Variants in NAV2 observed in about 807,000 individuals in gnomAD.
The protein encoded by NAV2 is helicase, APC down-regulated 1.
NAV2 carries 54 observed loss-of-function variants against 223.2 expected under a neutral mutation model. That is an observed-to-expected ratio of 0.24 (90% CI 0.19 to 0.30). The LOEUF (loss-of-function observed/expected upper bound fraction) is 0.30, where lower values mean the gene tolerates loss of function less well. NAV2 is among the 10% of genes least tolerant of loss of function. NAV2 has a pLI of 1.00. For missense variants in NAV2, 2,806 were observed against 3,147.5 expected (o/e 0.89, Z 2.60); for synonymous variants, 1,279 against 1,239.3 (o/e 1.03, Z -0.67).
In NAV2 at chr11:19,796,844, TA is replaced by T. The variant is rs756218837; in HGVS notation, c.268-35639del. ...CTGGTACTTGCTGCTTGTTACCATG[TA>T]GCTGAGATTTGCACGCTTTCTCTGA... On this transcript the variant is annotated intron_variant, in intron 1 of 37. Coordinates refer to ENST00000349880, the MANE Select transcript of NAV2 (RefSeq NM_145117.5). 4.6e-5 allele frequency among the ~76,000 whole-genome samples: 7 copies of T among 152,230 alleles called. No individual in the cohort carries two copies. The East Asian group carries it at 1.3e-3, about 29-fold the overall frequency.
intron 1 of NAV2, among the ~76,000 whole-genome samples, chr11:19,720,236 A>G (rs905819200): frequency 6.6e-6 from 1 of 152,250 alleles, no homozygotes; most frequent in African/African-American, 2.4e-5. Context: ...TGTTCCTAGA[A>G]TGGCTTGGGC....
In NAV2 at chr11:19,633,491, G is replaced by A. The variant is rs1302593030; in HGVS notation, c.76-198993G>A. Among the ~76,000 whole-genome samples, 6 of 152,390 alleles carry A rather than the reference G, an allele frequency of 3.9e-5. No homozygotes were observed. The East Asian group carries it at 1.2e-3, about 29-fold the overall frequency. ...TGGTTGCCTGGAGATTGAGAAATGT[G>A]TTGGCTCCAGCCTGGCTCCCTCATC... On this transcript the variant is annotated intron_variant, in intron 1 of 37. Transcript: ENST00000360655.
At chr11:19,874,652 C>T (rs2062732089) in intron 4 of NAV2, among the ~76,000 whole-genome samples, 1 of 152,194 alleles carries the variant, frequency 6.6e-6, no homozygotes, top group South Asian at 2.1e-4. Context: ...TAGATACTGT[C>T]TGCTATAGAC....
At chr11:19,618,882 G>A (rs1342725826) in intron 1 of NAV2, among the ~76,000 whole-genome samples, 4 of 145,698 alleles carry the variant, frequency 2.7e-5, no homozygotes, top group African/African-American at 7.6e-5. Flanking sequence ...AGAGCTAAGG[G>A]GCAGGGATGG....
intron 14 of NAV2, among the ~76,000 whole-genome samples, chr11:20,046,476 T>C (rs116062203): frequency 0.023 from 3,559 of 152,178 alleles, 140 homozygotes; most frequent in African/African-American, 0.08. Flanking sequence ...TTCCTCATTA[T>C]GGCAGGCAGT....
intron 3 of NAV2, among the ~76,000 whole-genome samples, chr11:19,859,806 G>A (rs1186866912): frequency 1.4e-5 from 2 of 147,534 alleles, no homozygotes; most frequent in Admixed American, 6.7e-5. Flanking sequence ...GGGGCGGCTG[G>A]CCGGGCGGGG....
In NAV2 at chr11:19,933,220, A is replaced by G. The variant is rs1639289196; in HGVS notation, c.976A>G (p.Asn326Asp). ...CTCCTCCCACCCCGGAATGAGTGAC[A>G]ATGCACCTGCTTCCTTGGAGAGCGG... is the stretch of plus-strand genomic sequence containing the variant. ...SASSHPGMSD[N>D]APASLESGSS... The change falls in exon 7 of 38, where the codon AAT becomes GAT. Residue 326 changes from asparagine to aspartate, a missense_variant. By Grantham distance (23) the Asn-to-Asp change is conservative. Transcript: ENST00000349880. The surrounding 1 kb of genome is among the most constrained non-coding windows in gnomAD (Gnocchi z 4.3). The G allele has an allele frequency of 6.4e-7, 1 of 1,574,080 alleles. No homozygotes were observed. The highest frequency in any genetic ancestry group is 1.4e-5 in the African/African-American group (1 of 73,688).
intron 1 of NAV2, among the ~76,000 whole-genome samples, chr11:19,808,938 G>A (rs2058717760): frequency 6.6e-6 from 1 of 152,172 alleles, no homozygotes; most frequent in Non-Finnish European, 1.5e-5. Flanking sequence ...GCATTTTTGA[G>A]TCCTTCTTTT....
chr11:19,985,564 TTTG>T (rs1363994144), intron 11 of NAV2, among the ~76,000 whole-genome samples: 2 of 152,002 alleles, frequency 1.3e-5, no homozygotes, highest in African/African-American at 4.8e-5. Flanking sequence ...TTTTTGTTTT[TTTG>T]TTGTTGTTTG....
At chr11:19,485,372 A>C (rs1407453053) in intron 1 of NAV2, among the ~76,000 whole-genome samples, 2 of 152,100 alleles carry the variant, frequency 1.3e-5, no homozygotes, top group Admixed American at 1.3e-4. Context: ...GGGAGGTGAG[A>C]GAATAGAGAA....
At chr11:20,076,690 A>G (rs1250438136) in intron 22 of NAV2, among the ~76,000 whole-genome samples, 1 of 152,202 alleles carries the variant, frequency 6.6e-6, no homozygotes, top group African/African-American at 2.4e-5. Flanking sequence ...GTTACCTCTT[A>G]CCCTTGAAGA....
intron 6 of NAV2, among the ~76,000 whole-genome samples, chr11:19,894,109 T>G (rs1356679120): frequency 6.6e-6 from 1 of 152,226 alleles, no homozygotes; most frequent in African/African-American, 2.4e-5. Flanking sequence ...CTAAACTTTA[T>G]GAGTACCTAC....
At chr11:19,678,818 T>G (rs1417305248) in intron 1 of NAV2, among the ~76,000 whole-genome samples, 1 of 152,174 alleles carries the variant, frequency 6.6e-6, no homozygotes, top group African/African-American at 2.4e-5. Flanking sequence ...GAAGCAGATC[T>G]TATTTGTGTA....
intron 1 of NAV2, among the ~76,000 whole-genome samples, chr11:19,756,847 C>T (rs2054270935): frequency 6.6e-6 from 1 of 152,198 alleles, no homozygotes; most frequent in African/African-American, 2.4e-5. Context: ...CATCCAGCCC[C>T]TTGGATTTCT....
intron 12 of NAV2, among the ~76,000 whole-genome samples, chr11:20,041,826 A>T (rs561971893): frequency 6.6e-6 from 1 of 152,286 alleles, no homozygotes; most frequent in Non-Finnish European, 1.5e-5. Context: ...TTTACTAAGT[A>T]AGTTTCTTTT....
At chr11:19,929,268 G>A (rs1190869745) in intron 6 of NAV2, among the ~76,000 whole-genome samples, 3 of 151,744 alleles carry the variant, frequency 2.0e-5, no homozygotes, top group Admixed American at 2.0e-4. Context: ...AAGAAAAAAA[G>A]AAACAGACAA....
chr11:19,984,285 G>A (rs2050566535), intron 11 of NAV2, 38 bp downstream of exon 11: 1 of 1,608,416 alleles, frequency 6.2e-7, no homozygotes, highest in African/African-American at 1.4e-5. Flanking sequence ...AGATGCAGAG[G>A]TGATCCCAGG....
In NAV2 at chr11:19,461,083, G is replaced by A. The variant is rs577264713; in HGVS notation, c.75+110056G>A. 3.3e-5 allele frequency among the ~76,000 whole-genome samples: 5 copies of A among 152,312 alleles called. No individual in the cohort carries two copies. In the East Asian group the frequency reaches 7.7e-4, roughly 24 times the overall value. ...GTGCTGCAGTTGTAATTTGTAACCA[G>A]CACTTTCCCATTTGGCTCCTTTGTG... On this transcript the variant is annotated intron_variant, in intron 1 of 37. Coordinates refer to the NAV2 transcript ENST00000360655.
At chr11:19,392,484 C>T (rs1162529505) in intron 1 of NAV2, among the ~76,000 whole-genome samples, 1 of 151,832 alleles carries the variant, frequency 6.6e-6, no homozygotes, top group African/African-American at 2.4e-5. Flanking sequence ...GTGGTTGATG[C>T]TGGCAGTCAG....
Sources: allele counts gnomAD v4.1 joint callset (sites outside exome capture counted in the v4.1 genomes callset), GRCh38; gene constraint gnomAD v4.1.1; non-coding constraint Gnocchi (gnomAD v3.1); transcripts MANE v1.5; gene names NCBI Gene and HGNC (gene_info 2026-07-23, HGNC 2026-07-21).